The following CNTNAP4 variants were observed in gnomAD, a reference collection of about 807,000 sequenced individuals.
CNTNAP4 encodes the protein contactin associated protein family member 4, also known as contactin-associated protein-like 4.
CNTNAP4 carries 98 observed loss-of-function variants against 148.4 expected under a neutral mutation model. The ratio of observed to expected loss-of-function variants is 0.66; its 90% CI spans 0.56 to 0.78. CNTNAP4 has a LOEUF of 0.78. Ranked by LOEUF, CNTNAP4 falls within the 30% of genes least tolerant of loss-of-function variation. CNTNAP4 has a pLI of 0.00. For synonymous variants in CNTNAP4, 730 were observed against 565.1 expected (o/e 1.29, Z -4.14); for missense variants, 1,935 against 1,565.6 (o/e 1.24, Z -3.98).
At chr16:76,538,513 T>C (rs187969809) in intron 19 of CNTNAP4, among the ~76,000 whole-genome samples, 173 bp downstream of exon 19, 80 of 152,200 alleles carry the variant, frequency 5.3e-4, no homozygotes, top group African/African-American at 1.9e-3. Context: ...AAAAGGATTA[T>C]TTAAAATGAT....
At chr16:76,393,655 G>A (rs1200258018) in intron 3 of CNTNAP4, among the ~76,000 whole-genome samples, 1 of 151,830 alleles carries the variant, frequency 6.6e-6, no homozygotes, top group African/African-American at 2.4e-5. Flanking sequence ...TGGGGGGTGG[G>A]TGAGAGGAGG....
chr16:76,399,186 C>G (rs2078316862), intron 3 of CNTNAP4, among the ~76,000 whole-genome samples: 2 of 152,110 alleles, frequency 1.3e-5, no homozygotes, highest in South Asian at 4.1e-4. Context: ...TACCCATTCT[C>G]TAGTGTGGCT....
chr16:76,524,724 C>T (rs976722461), intron 17 of CNTNAP4, among the ~76,000 whole-genome samples: 1 of 152,024 alleles, frequency 6.6e-6, no homozygotes, highest in Non-Finnish European at 1.5e-5. Context: ...GGCCTTTGAC[C>T]TCACTGTATG....
chr16:76,387,673 A>T (rs2016626769), intron 3 of CNTNAP4, among the ~76,000 whole-genome samples: 1 of 152,236 alleles, frequency 6.6e-6, no homozygotes, highest in Non-Finnish European at 1.5e-5. Flanking sequence ...GCAAAGAAGA[A>T]ATGAAAATTA....
intron 21 of CNTNAP4, among the ~76,000 whole-genome samples, chr16:76,543,115 T>G (rs1258484639): frequency 2.0e-5 from 3 of 152,184 alleles, no homozygotes; most frequent in Non-Finnish European, 4.4e-5. Context: ...GCATATCATA[T>G]ATGCTGAAAA....
intron 3 of CNTNAP4, among the ~76,000 whole-genome samples, chr16:76,355,957 C>G (rs1395764115): frequency 6.6e-6 from 1 of 151,876 alleles, no homozygotes; most frequent in South Asian, 2.1e-4. Flanking sequence ...TCACTGCAAC[C>G]TCTGCCTCCC....
chr16:76,517,015 A>G (rs1171834497), intron 15 of CNTNAP4, among the ~76,000 whole-genome samples: 1 of 152,178 alleles, frequency 6.6e-6, no homozygotes, highest in Non-Finnish European at 1.5e-5. Context: ...AGTGGCCAAT[A>G]TTGCACCATT....
At chr16:76,398,719 A>G (rs988630515) in intron 3 of CNTNAP4, among the ~76,000 whole-genome samples, 1 of 152,186 alleles carries the variant, frequency 6.6e-6, no homozygotes, top group Admixed American at 6.5e-5. Context: ...CCAACACATG[A>G]TACTATCCAA....
rs1287364896 is a variant in CNTNAP4, at chr16:76,452,499, T to C, written c.1072-9T>C. 1.9e-6 allele frequency: 3 copies of C among 1,613,764 alleles called. No homozygotes were observed. The highest frequency in any genetic ancestry group is 2.5e-6 in the Non-Finnish European group (3 of 1,179,770). On this transcript the variant is annotated splice_polypyrimidine_tract_variant and intron_variant, in intron 7 of 23. Coordinates refer to ENST00000611870, the MANE Select transcript of CNTNAP4 (RefSeq NM_033401.5). The stretch of plus-strand genomic sequence containing the variant: ...ATTCTGAAAGCTTTTTCTTTTACTT[T>C]ATTCTCAGGGAAATGTGTCATTTTC...
chr16:76,549,602 TAGTAAG>T (rs892899873), intron 21 of CNTNAP4, among the ~76,000 whole-genome samples: 54 of 152,218 alleles, frequency 3.5e-4, no homozygotes, highest in African/African-American at 1.3e-3. Flanking sequence ...GAATGAGGCT[TAGTAAG>T]AGTACTTTAA....
At chr16:76,337,114 T>C (rs1215108702) in intron 2 of CNTNAP4, among the ~76,000 whole-genome samples, 6 of 152,236 alleles carry the variant, frequency 3.9e-5, no homozygotes, top group African/African-American at 1.4e-4. Context: ...TTATTTATTC[T>C]GTACACTTTA....
chr16:76,355,602 T>C (rs2012498714), intron 3 of CNTNAP4, 91 bp downstream of exon 3: 1 of 893,184 alleles, frequency 1.1e-6, no homozygotes, highest in Non-Finnish European at 1.6e-6. Flanking sequence ...TAAGTAGACA[T>C]ACAGAATCTG....
intron 10 of CNTNAP4, among the ~76,000 whole-genome samples, chr16:76,468,449 G>C (rs769520770): frequency 6.6e-6 from 1 of 152,042 alleles, no homozygotes; most frequent in South Asian, 2.1e-4. Context: ...ACTCCAGCCT[G>C]GGCGACAGAG....
chr16:76,483,869 A>G (rs567781717), intron 12 of CNTNAP4, among the ~76,000 whole-genome samples: 1 of 152,344 alleles, frequency 6.6e-6, no homozygotes, highest in Middle Eastern at 3.4e-3. Context: ...TTTAGCAAGT[A>G]GGCAAATTCA....
intron 9 of CNTNAP4, among the ~76,000 whole-genome samples, chr16:76,462,934 T>C (rs375902445): frequency 1.6e-4 from 25 of 152,212 alleles, no homozygotes; most frequent in Non-Finnish European, 3.4e-4. Flanking sequence ...GCTGAGTCTC[T>C]ATTATTCACT....
chr16:76,460,372 G>A lies in CNTNAP4; in HGVS notation c.1334-1584G>A, dbSNP rs1182583177. 2.6e-5 allele frequency among the ~76,000 whole-genome samples: 4 copies of A among 151,774 alleles called. No homozygotes were observed. The South Asian group carries it at 6.2e-4, about 24-fold the overall frequency. ...GATCCGCCTGCCTCAGCCTCCCAAAGTACTGGGATTACAGGCATGAGCCAC... is the reference window on the plus strand; with the variant it reads ...GATCCGCCTGCCTCAGCCTCCCAAAATACTGGGATTACAGGCATGAGCCAC... On this transcript the variant is annotated intron_variant, in intron 8 of 23. Coordinates refer to ENST00000611870, the MANE Select transcript of CNTNAP4 (RefSeq NM_033401.5).
At chr16:76,343,785 G>A (rs1964684657) in intron 2 of CNTNAP4, among the ~76,000 whole-genome samples, 1 of 151,950 alleles carries the variant, frequency 6.6e-6, no homozygotes, top group African/African-American at 2.4e-5. Context: ...TAAAACACGT[G>A]TAATAATCAA....
chr16:76,529,545 T>C (rs1272886139), intron 17 of CNTNAP4, among the ~76,000 whole-genome samples: 2 of 152,224 alleles, frequency 1.3e-5, no homozygotes, highest in Non-Finnish European at 2.9e-5. Context: ...GCTTCTTAAA[T>C]TAGCCTTGAA....
At chr16:76,437,919 G>C (rs1311630173) in intron 4 of CNTNAP4, among the ~76,000 whole-genome samples, 1 of 152,082 alleles carries the variant, frequency 6.6e-6, no homozygotes, top group Non-Finnish European at 1.5e-5. Flanking sequence ...ATTGGACTAA[G>C]CTGCTGTCCA....
Sources: allele counts gnomAD v4.1 joint callset (sites outside exome capture counted in the v4.1 genomes callset), GRCh38; gene constraint gnomAD v4.1.1; transcripts MANE v1.5; gene names NCBI Gene and HGNC (gene_info 2026-07-23, HGNC 2026-07-21).